Variants in NEXMIF observed in about 807,000 individuals in gnomAD.
NEXMIF encodes the protein XLMR protein related to neurite extension.
Under a neutral mutation model 62.1 loss-of-function variants are expected in NEXMIF, and 8 were observed. That is an observed-to-expected ratio of 0.13 (90% CI 0.08 to 0.23). The LOEUF (loss-of-function observed/expected upper bound fraction) is 0.23, where lower values mean the gene tolerates loss of function less well. Ranked by LOEUF, NEXMIF falls within the 10% of genes least tolerant of loss-of-function variation. The pLI is 1.00. For synonymous variants in NEXMIF, 404 were observed against 416.6 expected (o/e 0.97, Z 0.37); for missense variants, 976 against 1,113.3 (o/e 0.88, Z 1.75).
At chrX:74,784,035 A>T (rs2080253898) in intron 1 of NEXMIF, among the ~76,000 whole-genome samples, 1 of 111,732 alleles carries the variant, frequency 8.9e-6, no homozygotes, top group Non-Finnish European at 1.9e-5. Context: ...TTATAAAATG[A>T]TTGGGCTAGG....
intron 2 of NEXMIF, 35 bp downstream of exon 2, chrX:74,745,537 A>C: frequency 7.2e-6 from 7 of 970,801 alleles, no homozygotes; most frequent in Non-Finnish European, 8.9e-6. Context: ...GACTACCAGG[A>C]GAGATATTAA....
At chrX:74,864,855 C>A (rs2147501338) in intron 1 of NEXMIF, among the ~76,000 whole-genome samples, 1 of 110,675 alleles carries the variant, frequency 9.0e-6, no homozygotes, top group East Asian at 2.9e-4. Context: ...ACTATAGGCA[C>A]CCACCACCAC....
chrX:74,858,125 G>A (rs1352785356), intron 1 of NEXMIF, among the ~76,000 whole-genome samples: 4 of 111,905 alleles, frequency 3.6e-5, no homozygotes, highest in Admixed American at 9.4e-5. Context: ...ATTGTCACTC[G>A]ATTTGCCACC....
intron 1 of NEXMIF, among the ~76,000 whole-genome samples, chrX:74,795,755 C>G (rs1486073181): frequency 9.0e-6 from 1 of 111,345 alleles, no homozygotes; most frequent in Non-Finnish European, 1.9e-5. Flanking sequence ...ATGAATCTAA[C>G]TGTATTACAA....
At chrX:74,886,398 C>A (rs900939361) in intron 1 of NEXMIF, among the ~76,000 whole-genome samples, 6 of 111,694 alleles carry the variant, frequency 5.4e-5, no homozygotes, top group Non-Finnish European at 1.1e-4. Context: ...ATCTGGAAAA[C>A]CCCATCGTCT....
chrX:74,919,692 G>A (rs193246558), intron 1 of NEXMIF, among the ~76,000 whole-genome samples: 2 of 110,207 alleles, frequency 1.8e-5, no homozygotes, highest in Admixed American at 1.9e-4. Context: ...TGTTACATAC[G>A]TATACATGTG....
intron 1 of NEXMIF, among the ~76,000 whole-genome samples, chrX:74,823,091 A>G (rs1175168688): frequency 2.7e-5 from 3 of 112,356 alleles, no homozygotes; most frequent in African/African-American, 6.5e-5. Flanking sequence ...AAGAAGCCAG[A>G]CACAAAAGGC....
At chrX:74,761,610 C>A (rs1213433045) in intron 1 of NEXMIF, among the ~76,000 whole-genome samples, 2 of 110,589 alleles carry the variant, frequency 1.8e-5, no homozygotes, top group African/African-American at 6.6e-5. Context: ...TATCTTCTCT[C>A]CTTTATTATT....
chrX:74,769,669 G>T, intron 1 of NEXMIF: 1 of 720,644 alleles, frequency 1.4e-6, no homozygotes, highest in African/African-American at 2.1e-5. Context: ...CTGTGGCAAG[G>T]CTGGAAAAGC....
chrX:74,888,334 C>G (rs2080704987), intron 1 of NEXMIF, among the ~76,000 whole-genome samples: 1 of 108,196 alleles, frequency 9.2e-6, no homozygotes, highest in African/African-American at 3.4e-5. Flanking sequence ...AAATGTGGCA[C>G]ATATACACCA....
chrX:74,843,245 ATCTT>A (rs747979403), intron 1 of NEXMIF, among the ~76,000 whole-genome samples: 3 of 110,962 alleles, frequency 2.7e-5, no homozygotes, highest in Non-Finnish European at 5.7e-5. Context: ...GGCTTTTTTG[ATCTT>A]TCTTCGTTTG....
chrX:74,885,324 C>A (rs1185449870), intron 1 of NEXMIF, among the ~76,000 whole-genome samples: 7 of 111,257 alleles, frequency 6.3e-5, no homozygotes, highest in Non-Finnish European at 1.1e-4. Context: ...AATAGAGACA[C>A]AAAAAACCCT....
At chrX:74,754,403 G>T (rs2080153457) in intron 1 of NEXMIF, among the ~76,000 whole-genome samples, 2 of 107,416 alleles carry the variant, frequency 1.9e-5, no homozygotes, top group African/African-American at 6.8e-5. Context: ...CTGCCACCTG[G>T]GTTCAAGTGA....
chrX:74,814,100 G>C (rs1382698708), intron 1 of NEXMIF, among the ~76,000 whole-genome samples: 1 of 111,396 alleles, frequency 9.0e-6, no homozygotes, highest in African/African-American at 3.3e-5. Context: ...CTCACTCCAA[G>C]GAACTGGTAC....
intron 1 of NEXMIF, among the ~76,000 whole-genome samples, chrX:74,905,855 A>G: frequency 8.9e-6 from 1 of 112,247 alleles, no homozygotes; most frequent in Non-Finnish European, 1.9e-5. Context: ...AAATAAAGAC[A>G]CAAATAATTT....
At chrX:74,908,749 T>C (rs936500381) in intron 1 of NEXMIF, among the ~76,000 whole-genome samples, 1 of 112,702 alleles carries the variant, frequency 8.9e-6, no homozygotes, top group African/African-American at 3.2e-5. Context: ...TTTGGCTCTG[T>C]GTCCCCACCA....
intron 1 of NEXMIF, among the ~76,000 whole-genome samples, chrX:74,759,357 AGTTTCTTTCGCTGTACAGAAG>A: frequency 8.9e-6 from 1 of 112,281 alleles, no homozygotes; most frequent in Admixed American, 9.5e-5. Flanking sequence ...CTCTGTTGAT[AGTTTCTTTCGCTGTACAGAAG>A]CTCTTTAGTT....
intron 1 of NEXMIF, among the ~76,000 whole-genome samples, chrX:74,793,567 G>A (rs1342452177): frequency 9.0e-6 from 1 of 111,409 alleles, no homozygotes; most frequent in Non-Finnish European, 1.9e-5. Flanking sequence ...ATCCTGCAGA[G>A]TGTTTTCCAA....
intron 1 of NEXMIF, among the ~76,000 whole-genome samples, chrX:74,924,240 C>G (rs1035937059): frequency 9.0e-6 from 1 of 111,652 alleles, no homozygotes; most frequent in Non-Finnish European, 1.9e-5. Context: ...CGCCAGAAGC[C>G]ACACAGAAAA....
Sources: gnomAD v4.1 joint callset for allele counts (sites outside exome capture counted in the v4.1 genomes callset) on GRCh38, gnomAD v4.1.1 for gene constraint, MANE v1.5 for transcripts, NCBI Gene and HGNC (gene_info 2026-07-23, HGNC 2026-07-21) for gene names.